Variants in PLPPR1 observed in about 807,000 individuals in gnomAD.
The protein encoded by PLPPR1 is phospholipid phosphatase related 1, also known as phospholipid phosphatase-related protein type 1.
In PLPPR1, 10 loss-of-function variants were observed where a neutral mutation model predicts 33.1. That is an observed-to-expected ratio of 0.30 (90% confidence interval 0.19 to 0.51). The LOEUF is 0.51. Ranked by LOEUF, PLPPR1 falls within the 20% of genes least tolerant of loss-of-function variation. The pLI is 0.97. For synonymous variants in PLPPR1, 151 were observed against 151.0 expected (o/e 1.00, Z 0.00); for missense variants, 304 against 408.1 (o/e 0.74, Z 2.20).
chr9:101,298,965 A>G (rs1828697200), intron 4 of PLPPR1, among the ~76,000 whole-genome samples: 1 of 152,216 alleles, frequency 6.6e-6, no homozygotes, highest in Admixed American at 6.5e-5. Context: ...GGATGATCCC[A>G]GGGAAACAGA....
At chr9:101,224,895 T>A (rs1484164186) in intron 2 of PLPPR1, among the ~76,000 whole-genome samples, 2 of 152,200 alleles carry the variant, frequency 1.3e-5, no homozygotes, top group East Asian at 3.9e-4. Flanking sequence ...CTGGGATGAA[T>A]AATATCAACC....
chr9:101,086,635 C>A (rs538064952), intron 1 of PLPPR1, among the ~76,000 whole-genome samples: 1 of 152,324 alleles, frequency 6.6e-6, no homozygotes, highest in African/African-American at 2.4e-5. Flanking sequence ...TCTCACCCAA[C>A]ATTTGTTCTA....
intron 2 of PLPPR1, among the ~76,000 whole-genome samples, chr9:101,240,581 T>G (rs779148637): frequency 7.9e-5 from 12 of 152,086 alleles, no homozygotes; most frequent in Non-Finnish European, 1.5e-4. Context: ...AGAGACAATT[T>G]CAGCTTCTAT....
At chr9:101,200,476 A>G (rs1441087106) in intron 2 of PLPPR1, among the ~76,000 whole-genome samples, 1 of 152,194 alleles carries the variant, frequency 6.6e-6, no homozygotes, top group East Asian at 1.9e-4. Flanking sequence ...CAGAGTGGAA[A>G]AACTTTATTC....
intron 2 of PLPPR1, among the ~76,000 whole-genome samples, chr9:101,210,482 T>A (rs1826670445): frequency 1.3e-5 from 2 of 151,876 alleles, no homozygotes; most frequent in South Asian, 2.1e-4. Flanking sequence ...GGTACTTGAC[T>A]TTTTTTTCTT....
intron 1 of PLPPR1, among the ~76,000 whole-genome samples, chr9:101,157,883 A>G (rs766554053): frequency 7.9e-5 from 12 of 152,170 alleles, no homozygotes; most frequent in Non-Finnish European, 1.6e-4. Context: ...ATATGCCTGT[A>G]GTCCCAGCTA....
chr9:101,096,166 G>A (rs1469422247), intron 1 of PLPPR1, among the ~76,000 whole-genome samples: 2 of 152,162 alleles, frequency 1.3e-5, no homozygotes, highest in African/African-American at 4.8e-5. Context: ...ATCACAAAAA[G>A]TGATGAGGCA....
intron 1 of PLPPR1, among the ~76,000 whole-genome samples, chr9:101,045,849 T>C (rs572725866): frequency 6.6e-6 from 1 of 152,304 alleles, no homozygotes; most frequent in African/African-American, 2.4e-5. Context: ...CCACATATGA[T>C]TGTTGTAAGG....
chr9:101,126,821 T>A, intron 1 of PLPPR1, among the ~76,000 whole-genome samples: 1 of 152,190 alleles, frequency 6.6e-6, no homozygotes, highest in East Asian at 1.9e-4. Context: ...ATGCTCATCC[T>A]CCTCTTCCTC....
chr9:101,043,346 CATGTGT>C (rs1467919268), intron 1 of PLPPR1, among the ~76,000 whole-genome samples: 10 of 150,584 alleles, frequency 6.6e-5, no homozygotes, highest in South Asian at 6.3e-4. Context: ...CACACATATA[CATGTGT>C]ATGTGTATGT....
intron 1 of PLPPR1, among the ~76,000 whole-genome samples, chr9:101,161,883 T>C (rs1588053430): frequency 1.3e-5 from 2 of 152,226 alleles, no homozygotes; most frequent in East Asian, 3.9e-4. Flanking sequence ...ATAGCATTCA[T>C]TTAGACTAAA....
At chr9:101,276,216 A>G (rs1029315754) in intron 3 of PLPPR1, among the ~76,000 whole-genome samples, 2 of 152,018 alleles carry the variant, frequency 1.3e-5, no homozygotes, top group Non-Finnish European at 1.5e-5. Flanking sequence ...ACATTATCAC[A>G]TGACTTCCTT....
chr9:101,195,251 T>C (rs2118735686), intron 2 of PLPPR1, among the ~76,000 whole-genome samples: 1 of 152,304 alleles, frequency 6.6e-6, no homozygotes, highest in African/African-American at 2.4e-5. Flanking sequence ...AATGTGGCCA[T>C]GCCCCACTTC....
At chr9:101,283,762 GATT>G in intron 3 of PLPPR1, among the ~76,000 whole-genome samples, 1 of 151,880 alleles carries the variant, frequency 6.6e-6, no homozygotes, top group East Asian at 1.9e-4. Context: ...GTCTAATAAA[GATT>G]ATTAAAATAT....
chr9:101,038,013 A>G (rs540923077), intron 1 of PLPPR1, among the ~76,000 whole-genome samples: 10 of 152,156 alleles, frequency 6.6e-5, no homozygotes, highest in Admixed American at 3.3e-4. Context: ...TGAGGTGCTT[A>G]GTGTAGAAAG....
At chr9:101,227,297 G>T (rs1037947380) in intron 2 of PLPPR1, among the ~76,000 whole-genome samples, 7 of 152,118 alleles carry the variant, frequency 4.6e-5, no homozygotes, top group African/African-American at 2.4e-5. Flanking sequence ...CTTTTTCTCT[G>T]CAACTTTGCC....
chr9:101,109,949 A>T (rs550442432), intron 1 of PLPPR1, among the ~76,000 whole-genome samples: 1 of 152,200 alleles, frequency 6.6e-6, no homozygotes, highest in African/African-American at 2.4e-5. Flanking sequence ...ACTCTGCTTT[A>T]GGAAAGGTGG....
At chr9:101,293,386 C>A (rs1253664221) in intron 4 of PLPPR1, among the ~76,000 whole-genome samples, 1 of 151,756 alleles carries the variant, frequency 6.6e-6, no homozygotes, top group Non-Finnish European at 1.5e-5. Context: ...CAACATTAGA[C>A]AGATCAACGA....
At chr9:101,103,275 T>A (rs1830935466) in intron 1 of PLPPR1, among the ~76,000 whole-genome samples, 2 of 105,760 alleles carry the variant, frequency 1.9e-5, no homozygotes, top group Non-Finnish European at 3.8e-5. Context: ...TTTTTATGGT[T>A]TTAGGTCTAA....
Sources: gnomAD v4.1 joint callset for allele counts (sites outside exome capture counted in the v4.1 genomes callset) on GRCh38, gnomAD v4.1.1 for gene constraint, MANE v1.5 for transcripts, NCBI Gene and HGNC (gene_info 2026-07-23, HGNC 2026-07-21) for gene names.